The following PLCB4 variants were observed in gnomAD, a reference collection of about 807,000 sequenced individuals.
PLCB4 encodes the protein 1-phosphatidylinositol 4,5-bisphosphate phosphodiesterase beta-4.
Under a neutral mutation model 178.8 loss-of-function variants are expected in PLCB4, and 77 were observed. The observed-to-expected ratio is 0.43, with a 90% CI of 0.36 to 0.52. The LOEUF (loss-of-function observed/expected upper bound fraction) is 0.52. PLCB4 is among the 20% of genes least tolerant of loss of function. The pLI, the probability that PLCB4 is intolerant of heterozygous loss-of-function variation, is 0.00. For missense variants in PLCB4, 1,024 were observed against 1,453.4 expected, an observed-to-expected ratio of 0.70 and a Z score of 4.80; for synonymous variants, 496 against 490.8, an observed-to-expected ratio of 1.01 and a Z score of -0.14.
At chr20:9,394,626 C>T (rs918537467) in intron 18 of PLCB4, among the ~76,000 whole-genome samples, 2 of 152,034 alleles carry the variant, frequency 1.3e-5, no homozygotes, top group East Asian at 1.9e-4. Flanking sequence ...CATGATGTAA[C>T]GAGTCCCAAG....
chr20:9,167,016 A>G (rs1033335946), intron 2 of PLCB4, among the ~76,000 whole-genome samples: 2 of 152,204 alleles, frequency 1.3e-5, no homozygotes, highest in South Asian at 2.1e-4. Context: ...TTTGGCATCA[A>G]TTAGATATTT....
intron 20 of PLCB4, among the ~76,000 whole-genome samples, chr20:9,403,496 A>G (rs2039199407): frequency 6.6e-6 from 1 of 152,232 alleles, no homozygotes; most frequent in Non-Finnish European, 1.5e-5. Context: ...AACAGAGTTT[A>G]GTTGAGCAAA....
At chr20:9,368,347 TCA>T (rs2035953996) in intron 9 of PLCB4, among the ~76,000 whole-genome samples, 1 of 152,220 alleles carries the variant, frequency 6.6e-6, no homozygotes, top group Non-Finnish European at 1.5e-5. Flanking sequence ...AAATTTACAC[TCA>T]GTTTATCCTC....
intron 3 of PLCB4, among the ~76,000 whole-genome samples, chr20:9,254,509 G>A (rs1325128440): frequency 6.6e-6 from 1 of 152,014 alleles, no homozygotes; most frequent in African/African-American, 2.4e-5. Context: ...ACCAGCCTGG[G>A]CAACATGGTG....
intron 1 of PLCB4, among the ~76,000 whole-genome samples, chr20:9,087,429 A>ATT (rs1555814628): frequency 6.6e-6 from 1 of 151,454 alleles, no homozygotes; most frequent in Non-Finnish European, 1.5e-5. Flanking sequence ...ACTTTGAATG[A>ATT]TTTTTTTTGG....
At chr20:9,396,506 C>T (rs1201235235) in intron 19 of PLCB4, among the ~76,000 whole-genome samples, 1 of 152,190 alleles carries the variant, frequency 6.6e-6, no homozygotes, top group Non-Finnish European at 1.5e-5. Flanking sequence ...ACTTTGATCA[C>T]ATAGCAACAA....
intron 25 of PLCB4, among the ~76,000 whole-genome samples, chr20:9,414,379 C>T (rs1043331031): frequency 1.3e-5 from 2 of 152,166 alleles, no homozygotes; most frequent in African/African-American, 4.8e-5. Context: ...ATGTGGGGCC[C>T]GGTGCTGCAC....
chr20:9,077,919 T>G (rs970507666), intron 1 of PLCB4, among the ~76,000 whole-genome samples: 6 of 152,220 alleles, frequency 3.9e-5, no homozygotes, highest in Admixed American at 1.3e-4. Context: ...TAGGAGATAA[T>G]GCTATTTAAT....
At position 9,166,102 on chromosome 20, in the gene PLCB4, A is replaced by C. The variant is rs758169813; in HGVS notation, c.-78-51288A>C. 2.2e-3 allele frequency among the ~76,000 whole-genome samples: 333 copies of C among 152,312 alleles called. 5 individuals are homozygous for C. The highest frequency in any genetic ancestry group is 1.3e-3 in the Non-Finnish European group (87 of 68,020). ...TGGGGAGGTTGGAACAGAGATTATG[A>C]ATATATTATAACCAAGTTACTACAT... On this transcript the variant is annotated intron_variant, in intron 2 of 39. Transcript: ENST00000378473.
At chr20:9,318,435 A>G (rs1416992150) in intron 4 of PLCB4, among the ~76,000 whole-genome samples, 4 of 152,114 alleles carry the variant, frequency 2.6e-5, no homozygotes, top group Non-Finnish European at 5.9e-5. Context: ...ATGCAAAAAA[A>G]ACCTGAAAAG....
At chr20:9,233,847 T>A (rs375777332) in intron 3 of PLCB4, among the ~76,000 whole-genome samples, 1 of 152,124 alleles carries the variant, frequency 6.6e-6, no homozygotes, top group Admixed American at 6.6e-5. Context: ...TTGTTTGTTG[T>A]TTGTTTGTTT....
chr20:9,478,961 T>C lies in PLCB4; in HGVS notation c.3573T>C (p.Asp1191=). 1 of 1,613,780 alleles carries C rather than the reference T, an allele frequency of 6.2e-7. No homozygotes were observed. The highest frequency in any genetic ancestry group is 8.5e-7 in the Non-Finnish European group (1 of 1,179,762). ...CAGATGGTGAAATTGGAAGCCGAGA[T>C]GGACCGCAGACCAGCAACAGTAGTA... is the stretch of plus-strand genomic sequence containing the variant. ...DAADGEIGSR[D]GPQTSNSSMK... is the part of the protein sequence containing the mutation. Residue 1191 remains aspartate (D), a synonymous_variant, in exon 40 of 40, where the codon GAT becomes GAC. Coordinates refer to ENST00000378473, the MANE Select transcript of PLCB4 (RefSeq NM_001377142.1).
chr20:9,425,984 T>C (rs1389696887), intron 28 of PLCB4, among the ~76,000 whole-genome samples: 5 of 152,212 alleles, frequency 3.3e-5, no homozygotes, highest in Admixed American at 3.3e-4. Flanking sequence ...TCAGTGTGTT[T>C]ATGTGCTGAA....
intron 4 of PLCB4, among the ~76,000 whole-genome samples, chr20:9,334,117 A>G (rs1601907579): frequency 6.6e-6 from 1 of 152,182 alleles, no homozygotes; most frequent in Non-Finnish European, 1.5e-5. Context: ...TCCCAGAACC[A>G]AGTCCTGAGG....
chr20:9,122,270 TC>T (rs1259430572), intron 2 of PLCB4, among the ~76,000 whole-genome samples: 2 of 152,174 alleles, frequency 1.3e-5, no homozygotes, highest in African/African-American at 4.8e-5. Flanking sequence ...TAACTATAAC[TC>T]GATGTTATAT....
chr20:9,388,918 C>T (rs759220287), intron 15 of PLCB4, among the ~76,000 whole-genome samples: 1 of 152,130 alleles, frequency 6.6e-6, no homozygotes, highest in African/African-American at 2.4e-5. Flanking sequence ...AGGAATGCCT[C>T]AATAAAATAT....
intron 1 of PLCB4, among the ~76,000 whole-genome samples, chr20:9,084,016 C>T (rs6086762): frequency 0.49 from 74,110 of 152,042 alleles, 18,559 homozygotes; most frequent in Middle Eastern, 0.57. Context: ...CCTTGTGATA[C>T]AGAAACAAAG....
At chr20:9,126,693 A>G (rs1255797377) in intron 2 of PLCB4, among the ~76,000 whole-genome samples, 2 of 152,120 alleles carry the variant, frequency 1.3e-5, no homozygotes, top group Admixed American at 1.3e-4. Context: ...AGGAAAAAAT[A>G]CATTAAGCAC....
intron 2 of PLCB4, among the ~76,000 whole-genome samples, chr20:9,171,833 TC>T (rs1230149777): frequency 1.3e-5 from 2 of 152,020 alleles, no homozygotes; most frequent in Admixed American, 1.3e-4. Flanking sequence ...AATGACTATT[TC>T]CCCCCTCCTC....
Sources: allele counts gnomAD v4.1 joint callset (sites outside exome capture counted in the v4.1 genomes callset), GRCh38; gene constraint gnomAD v4.1.1; transcripts MANE v1.5; gene names NCBI Gene and HGNC (gene_info 2026-07-23, HGNC 2026-07-21).